EYA2: variants seen among roughly 807,000 people sequenced by gnomAD.
EYA2 encodes the protein protein phosphatase EYA2.
A neutral mutation model predicts 69.2 loss-of-function variants in EYA2; 31 were observed. The ratio of observed to expected loss-of-function variants is 0.45; its 90% confidence interval spans 0.34 to 0.60. The LOEUF is 0.60. Ranked by LOEUF, EYA2 falls within the 20% of genes least tolerant of loss-of-function variation. The probability of loss-of-function intolerance (pLI) is 0.02; values close to 1 mark genes in which losing one functional copy is unlikely to be tolerated. For synonymous variants in EYA2, 257 were observed against 279.4 expected (o/e 0.92, Z 0.80); for missense variants, 622 against 701.2 (o/e 0.89, Z 1.28).
At chr20:47,143,247 C>T in intron 10 of EYA2, 99 bp downstream of exon 10, 1 of 1,093,036 alleles carries the variant, frequency 9.1e-7, no homozygotes, top group Non-Finnish European at 1.3e-6. Flanking sequence ...TTTTCTTTTT[C>T]TTTTTTTCTC....
At chr20:46,999,643 T>C (rs531538874) in intron 2 of EYA2, among the ~76,000 whole-genome samples, 1 of 152,356 alleles carries the variant, frequency 6.6e-6, no homozygotes, top group African/African-American at 2.4e-5. Flanking sequence ...ATTCCAGTTA[T>C]GACTCTCTAA....
chr20:47,064,078 C>T (rs1209411412), intron 5 of EYA2, among the ~76,000 whole-genome samples: 1 of 152,160 alleles, frequency 6.6e-6, no homozygotes, highest in African/African-American at 2.4e-5. Flanking sequence ...ACCACAGCCT[C>T]CAGAAGAGCT....
intron 3 of EYA2, 138 bp from the exon 4 acceptor site, chr20:47,004,804 G>T: frequency 8.8e-7 from 1 of 1,141,738 alleles, no homozygotes; most frequent in Non-Finnish European, 1.3e-6. Flanking sequence ...AAATAAAATG[G>T]GATTTGGTGA....
chr20:47,005,146 C>T (rs1982629990), intron 4 of EYA2, 62 bp downstream of exon 4: 2 of 1,569,264 alleles, frequency 1.3e-6, no homozygotes, highest in South Asian at 1.2e-5. Flanking sequence ...CTTTGTTCTG[C>T]ACTATTGTCT....
chr20:47,026,935 T>C (rs548944614), intron 5 of EYA2, among the ~76,000 whole-genome samples: 3 of 152,378 alleles, frequency 2.0e-5, no homozygotes, highest in East Asian at 1.9e-4. Context: ...TACACTCTCT[T>C]TGAAACACCT....
At chr20:47,016,464 C>T (rs1391527274) in intron 5 of EYA2, among the ~76,000 whole-genome samples, 167 bp downstream of exon 5, 1 of 152,148 alleles carries the variant, frequency 6.6e-6, no homozygotes, top group Non-Finnish European at 1.5e-5. Flanking sequence ...TGGTCGTTAC[C>T]TGGCAGTGGG....
At chr20:47,049,080 G>T (rs2030191134) in intron 5 of EYA2, among the ~76,000 whole-genome samples, 1 of 152,184 alleles carries the variant, frequency 6.6e-6, no homozygotes, top group African/African-American at 2.4e-5. Context: ...CTTGCACAGG[G>T]TCACATAGCC....
rs891400416 is a variant in EYA2 at position 47,052,979 on chromosome 20, G to A, written c.416-19206G>A. Among the ~76,000 whole-genome samples the A allele has an allele frequency of 4.6e-5, 7 of 152,184 alleles. No homozygotes were observed. In the East Asian group the frequency reaches 5.8e-4, roughly 13 times the overall value. ...TCTGGGTAGGACCTGGTGTCATTGA[G>A]TGTGTCCCCTATGTGGTCCTGGAAG... On this transcript the variant is annotated intron_variant, in intron 5 of 15. Coordinates refer to ENST00000327619, the MANE Select transcript of EYA2 (RefSeq NM_005244.5).
chr20:46,900,458 A>T (rs1330326007), intron 1 of EYA2, among the ~76,000 whole-genome samples: 1 of 152,152 alleles, frequency 6.6e-6, no homozygotes, highest in African/African-American at 2.4e-5. Context: ...TTCAACCATT[A>T]TTGTTTCTGC....
chr20:46,982,648 C>T lies in EYA2; in HGVS notation c.-10-7353C>T, dbSNP rs186212725. On this transcript the variant is annotated intron_variant, in intron 1 of 15. Transcript: ENST00000327619. ...TTTAAACCTGTTTTTCAACCTTATT[C>T]CTGAGATCTGTTTACTGACTTACCT... 1.3e-3 allele frequency among the ~76,000 whole-genome samples: 204 copies of T among 152,210 alleles called. 1 individual carries two copies. The highest frequency in any genetic ancestry group is 8.1e-4 in the Non-Finnish European group (55 of 68,010).
chr20:46,901,104 C>A (rs1221247668), intron 1 of EYA2: 1 of 152,148 alleles, frequency 6.6e-6, no homozygotes, highest in Non-Finnish European at 1.5e-5. Flanking sequence ...GACTTGGGTC[C>A]TCAAGGCGTC....
intron 1 of EYA2, among the ~76,000 whole-genome samples, chr20:46,940,131 C>T (rs989120393): frequency 9.9e-5 from 15 of 152,180 alleles, no homozygotes; most frequent in Non-Finnish European, 2.1e-4. Context: ...CAATCTGGCC[C>T]TTCCAGGATT....
intron 1 of EYA2, among the ~76,000 whole-genome samples, chr20:46,985,248 A>G (rs1442999817): frequency 5.3e-5 from 8 of 151,982 alleles, no homozygotes; most frequent in Non-Finnish European, 1.5e-5. Context: ...CCTTCCTCCA[A>G]CAGATGCTAA....
At chr20:47,152,765 C>T (rs1045539825) in intron 10 of EYA2, among the ~76,000 whole-genome samples, 13 of 149,904 alleles carry the variant, frequency 8.7e-5, no homozygotes, top group African/African-American at 1.2e-4. Flanking sequence ...GAGCCGAGAT[C>T]GCGCCACTGC....
intron 5 of EYA2, among the ~76,000 whole-genome samples, chr20:47,017,104 C>G (rs961831898): frequency 1.3e-5 from 2 of 152,190 alleles, no homozygotes; most frequent in African/African-American, 4.8e-5. Flanking sequence ...ACTGGGTTCT[C>G]CCATGCTCAT....
chr20:47,038,316 A>G (rs1984833021), intron 5 of EYA2, among the ~76,000 whole-genome samples: 1 of 152,078 alleles, frequency 6.6e-6, no homozygotes, highest in Non-Finnish European at 1.5e-5. Context: ...CCTGGGCAAC[A>G]TGGCAAGACC....
intron 9 of EYA2, among the ~76,000 whole-genome samples, chr20:47,116,060 T>TA (rs2032881714): frequency 6.6e-6 from 1 of 152,154 alleles, no homozygotes; most frequent in South Asian, 2.1e-4. Flanking sequence ...CCAAGTTGGT[T>TA]AAAAACCTCC....
chr20:47,117,077 A>G (rs533019453), intron 9 of EYA2, among the ~76,000 whole-genome samples: 10 of 144,570 alleles, frequency 6.9e-5, no homozygotes, highest in Admixed American at 6.4e-4. Context: ...TAGTGGTGCG[A>G]TCTCGGCTCA....
At chr20:46,987,028 T>A (rs6066152) in intron 1 of EYA2, among the ~76,000 whole-genome samples, 114,259 of 152,126 alleles carry the variant, frequency 0.75, 46,475 homozygotes, top group Non-Finnish European at 0.93. Flanking sequence ...TAAAAATTAT[T>A]AAGTGTTTCA....
Sources: allele counts gnomAD v4.1 joint callset (sites outside exome capture counted in the v4.1 genomes callset), GRCh38; gene constraint gnomAD v4.1.1; transcripts MANE v1.5; gene names NCBI Gene and HGNC (gene_info 2026-07-23, HGNC 2026-07-21).